Variants in SLC25A46 observed in about 807,000 individuals in gnomAD.
SLC25A46 encodes the protein mitochondrial outer membrane protein SLC25A46.
A neutral mutation model predicts 44.6 loss-of-function variants in SLC25A46; 39 were observed. The observed-to-expected ratio is 0.87, with a 90% CI of 0.68 to 1.14. The LOEUF (loss-of-function observed/expected upper bound fraction) is 1.14. Ranked by LOEUF, SLC25A46 falls within the 50% of genes most tolerant of loss-of-function variation. The probability of loss-of-function intolerance (pLI) is 0.00; values close to 1 mark genes in which losing one functional copy is unlikely to be tolerated. For missense variants in SLC25A46, 547 were observed against 522.7 expected, an observed-to-expected ratio of 1.05 and a Z score of -0.45; for synonymous variants, 202 against 185.8, an observed-to-expected ratio of 1.09 and a Z score of -0.71.
chr5:110,758,772 A>G (rs1017402864), intron 7 of SLC25A46, among the ~76,000 whole-genome samples: 15 of 151,798 alleles, frequency 9.9e-5, no homozygotes, highest in Non-Finnish European at 2.1e-4. Context: ...ACAGAGTAAG[A>G]CTCTGTCTTA....
At chr5:110,752,940 G>A (rs1800004078) in intron 5 of SLC25A46, among the ~76,000 whole-genome samples, 1 of 152,086 alleles carries the variant, frequency 6.6e-6, no homozygotes, top group African/African-American at 2.4e-5. Flanking sequence ...ACCAAGGGGT[G>A]GCTGGGTTAA....
upstream of SLC25A46, chr5:110,738,873 T>C (rs1052632584): frequency 4.9e-5 from 45 of 913,970 alleles, no homozygotes; most frequent in African/African-American, 1.7e-5. Flanking sequence ...ACCTATTCCC[T>C]AACGACAACA....
intron 5 of SLC25A46, among the ~76,000 whole-genome samples, chr5:110,750,369 T>G (rs1799935249): frequency 6.6e-6 from 1 of 152,068 alleles, no homozygotes; most frequent in Non-Finnish European, 1.5e-5. Flanking sequence ...TGAAATTCTT[T>G]AACAAACAAT....
At chr5:110,741,325 G>T (rs1799685462) in intron 1 of SLC25A46, among the ~76,000 whole-genome samples, 1 of 152,170 alleles carries the variant, frequency 6.6e-6, no homozygotes, top group African/African-American at 2.4e-5. Flanking sequence ...ACCATCTGTA[G>T]TAGCATTTAG....
chr5:110,755,258 G>C (rs775725832), intron 5 of SLC25A46: 1 of 374,120 alleles, frequency 2.7e-6, no homozygotes. Flanking sequence ...CTATCAGCAC[G>C]TATGAAAACA....
rs761116977 is a variant in SLC25A46 at position 110,756,682 on chromosome 5, A to G, written c.621-20A>G. ...GCATCTTGTTTCAGTATACTGATAA[A>G]TTTGTTTTAATTTCTATAGCCTAAC... On this transcript the variant is annotated intron_variant, in intron 6 of 7. Coordinates refer to ENST00000355943, the MANE Select transcript of SLC25A46 (RefSeq NM_138773.4). 1.9e-6 allele frequency: 3 copies of G among 1,548,078 alleles called. No individual in the cohort carries two copies. The highest frequency in any genetic ancestry group is 2.3e-5 in the East Asian group (1 of 43,586).
Position 110,761,138 on chromosome 5 carries a change from G to A in SLC25A46, c.679-66G>A. ...TTAGGATTTAAAAGGAACCTAAAAAGAGTCCTTTTTCTGTGGCAAAATAAG... is the reference window on the plus strand; with the variant it reads ...TTAGGATTTAAAAGGAACCTAAAAAAAGTCCTTTTTCTGTGGCAAAATAAG... On this transcript the variant is annotated intron_variant, in intron 7 of 7. Coordinates refer to ENST00000355943, the MANE Select transcript of SLC25A46 (RefSeq NM_138773.4). This position sits in a 1 kb window ranked among gnomAD's most constrained non-coding sequence, Gnocchi z 5.3. 1 of 1,251,328 alleles carries A rather than the reference G, an allele frequency of 8.0e-7. No homozygotes were observed. The highest frequency in any genetic ancestry group is 1.1e-6 in the Non-Finnish European group (1 of 889,646). The allele number at this position is 1,251,328 out of a possible 1,614,324, so 77.5% of individuals were successfully genotyped here. A position where few individuals can be genotyped will look rare whatever the true frequency, so the allele number is the denominator to read the frequency against.
upstream of SLC25A46, chr5:110,738,936 A>T: frequency 7.0e-7 from 1 of 1,427,028 alleles, no homozygotes; most frequent in Non-Finnish European, 9.1e-7. Flanking sequence ...GTGCCCTTTA[A>T]TGGTTGCCGG....
Position 110,761,445 on chromosome 5 carries a change from A to G in SLC25A46, c.920A>G (p.Gln307Arg). The change falls in exon 8 of 8, where the codon CAG becomes CGG. Residue 307 changes from glutamine (Q) to arginine (R), a missense_variant. Physicochemically the swap from Gln to Arg is conservative, Grantham distance 43 (BLOSUM62 1). Transcript: ENST00000355943. This position sits in a 1 kb window ranked among gnomAD's most constrained non-coding sequence, Gnocchi z 5.3. ...SHLAESTSPVQSMLDAYFPEL... is the reference protein window; with the variant it reads ...SHLAESTSPVRSMLDAYFPEL... ...CTAGCTGAGAGCACTAGCCCTGTGCAGAGTATGTTGGATGCTTATTTTCCA... is the reference window on the plus strand; with the variant it reads ...CTAGCTGAGAGCACTAGCCCTGTGCGGAGTATGTTGGATGCTTATTTTCCA... 1.2e-6 allele frequency: 2 copies of G among 1,613,818 alleles called. No individual in the cohort carries two copies. The highest frequency in any genetic ancestry group is 1.7e-6 in the Non-Finnish European group (2 of 1,179,834).
At chr5:110,740,443 G>A (rs1407556576) in intron 1 of SLC25A46, among the ~76,000 whole-genome samples, 1 of 151,972 alleles carries the variant, frequency 6.6e-6, no homozygotes, top group Non-Finnish European at 1.5e-5. Flanking sequence ...GACTCTTCCC[G>A]GTTTAAAGTT....
rs1386480482 is a variant in SLC25A46 at position 110,764,844 on chromosome 5, A to G, written c.*3062A>G. On this transcript the variant is annotated 3_prime_UTR_variant, in exon 8 of 8. Transcript: ENST00000355943. ...AAATAAGATCTCTTGGTAACAATTG[A>G]CATTGCACTAGAATTTGAATGATAC... 1 of 151,960 alleles carries G rather than the reference A, an allele frequency of 6.6e-6. No homozygotes were observed. The highest frequency in any genetic ancestry group is 2.4e-5 in the African/African-American group (1 of 41,428). The allele number at this position is 151,960 out of a possible 1,614,324, so 9.4% of individuals were successfully genotyped here.
At chr5:110,740,183 T>C (rs1799617349) in intron 1 of SLC25A46, among the ~76,000 whole-genome samples, 2 of 152,212 alleles carry the variant, frequency 1.3e-5, no homozygotes, top group African/African-American at 4.8e-5. Flanking sequence ...TTCAACATCC[T>C]TTTTTATTCA....
chr5:110,762,170 G>C lies in SLC25A46; in HGVS notation c.*388G>C, dbSNP rs1184293214. On this transcript the variant is annotated 3_prime_UTR_variant, in exon 8 of 8. Coordinates refer to ENST00000355943, the MANE Select transcript of SLC25A46 (RefSeq NM_138773.4). ...TACCTCCTAGATTGATGTTGGTATA[G>C]TATCCTTAATACAGTGTAGTATATT... 5.0e-6 allele frequency: 1 copy of C among 199,566 alleles called. No homozygotes were observed. Among genetic ancestry groups the C allele is most frequent in the East Asian group, 1.3e-4 (1 of 7,662 alleles). The allele number at this position is 199,566 out of a possible 1,614,324, so 12.4% of individuals were successfully genotyped here. A position where few individuals can be genotyped will look rare whatever the true frequency, so the allele number is the denominator to read the frequency against.
chr5:110,739,503 C>T, intron 1 of SLC25A46, 101 bp downstream of exon 1: 2 of 1,424,520 alleles, frequency 1.4e-6, no homozygotes, highest in South Asian at 1.4e-5. Context: ...GCCTCCTATT[C>T]CTTCTCATCC....
intron 5 of SLC25A46, among the ~76,000 whole-genome samples, chr5:110,750,982 C>T (rs1420811001): frequency 2.0e-5 from 3 of 152,176 alleles, no homozygotes; most frequent in Non-Finnish European, 4.4e-5. Context: ...AACTTTCTTA[C>T]TCAGTAGACA....
intron 6 of SLC25A46, chr5:110,755,904 T>C (rs1800099442): frequency 6.5e-6 from 1 of 154,344 alleles, no homozygotes; most frequent in Admixed American, 6.5e-5. Flanking sequence ...GACATTGAAA[T>C]GTAGTCCTGA....
chr5:110,756,800 T>C (rs1464567115), intron 7 of SLC25A46, 41 bp downstream of exon 7: 18 of 1,428,412 alleles, frequency 1.3e-5, no homozygotes, highest in Non-Finnish European at 1.6e-5. Flanking sequence ...TATTTAAGAA[T>C]AGTTTTTTGA....
chr5:110,755,733 G>T (rs1272987167), intron 6 of SLC25A46, among the ~76,000 whole-genome samples: 1 of 152,094 alleles, frequency 6.6e-6, no homozygotes, highest in Non-Finnish European at 1.5e-5. Flanking sequence ...TAATTTGAAA[G>T]GCTAGAATCA....
At chr5:110,744,407 C>G (rs1028877131) in intron 3 of SLC25A46, among the ~76,000 whole-genome samples, 2 of 152,174 alleles carry the variant, frequency 1.3e-5, no homozygotes, top group Admixed American at 6.5e-5. Flanking sequence ...ATCCATTTAA[C>G]TATACTGCAT....
Sources: allele counts gnomAD v4.1 joint callset (sites outside exome capture counted in the v4.1 genomes callset), GRCh38; gene constraint gnomAD v4.1.1; non-coding constraint Gnocchi (gnomAD v3.1); transcripts MANE v1.5; gene names NCBI Gene and HGNC (gene_info 2026-07-23, HGNC 2026-07-21).